Variants in SVOPL observed in about 807,000 individuals in gnomAD.
SVOPL encodes SVOP like.
A neutral mutation model predicts 61.0 loss-of-function variants in SVOPL; 60 were observed. The observed-to-expected ratio is 0.98, with a 90% CI of 0.80 to 1.22. SVOPL has a LOEUF of 1.22. Among genes scored for constraint, SVOPL ranks in the 50% most tolerant of loss-of-function variants. SVOPL has a pLI of 0.00. For missense variants in SVOPL, 662 were observed against 643.9 expected (o/e 1.03, Z -0.30); for synonymous variants, 279 against 250.0 (o/e 1.12, Z -1.09).
chr7:138,625,940 T>A, intron 13 of SVOPL, 29 bp downstream of exon 13: 1 of 1,611,634 alleles, frequency 6.2e-7, no homozygotes, highest in Non-Finnish European at 8.5e-7. Flanking sequence ...TACACACCCT[T>A]TGTAAGCAAG....
At chr7:138,610,428 T>C (rs1798949497) in intron 14 of SVOPL, among the ~76,000 whole-genome samples, 1 of 152,158 alleles carries the variant, frequency 6.6e-6, no homozygotes, top group South Asian at 2.1e-4. Context: ...AAAATATATT[T>C]TAAAAGCCTC....
In SVOPL at chr7:138,701,235, G is replaced by C. The variant is rs964538632; in HGVS notation, c.-92C>G. The C allele has an allele frequency of 3.3e-5, 5 of 152,138 alleles. No individual in the cohort carries two copies. Among genetic ancestry groups the C allele is most frequent in the Non-Finnish European group, 5.9e-5 (4 of 68,056 alleles). The allele number at this position is 152,138 out of a possible 1,614,324, so 9.4% of individuals were successfully genotyped here. A position where few individuals can be genotyped will look rare whatever the true frequency, so the allele number is the denominator to read the frequency against. On this transcript the variant is annotated 5_prime_UTR_variant, in exon 1 of 16. Coordinates refer to ENST00000674285, the MANE Select transcript of SVOPL (RefSeq NM_001139456.2). ...CAGGCTCTTTTGCTCCCCTCACCGT[G>C]GCCAAGTCTTAGACGGAAATTGGAG... is the stretch of plus-strand genomic sequence containing the variant.
intron 1 of SVOPL, among the ~76,000 whole-genome samples, chr7:138,685,710 A>C (rs908134676): frequency 2.0e-5 from 3 of 151,908 alleles, no homozygotes; most frequent in African/African-American, 7.3e-5. Flanking sequence ...AAATACAAAA[A>C]TTAGCCAGGC....
Position 138,630,057 on chromosome 7 carries a change from C to T in SVOPL, c.855G>A (p.Trp285Ter). 1.2e-6 allele frequency: 2 copies of T among 1,613,306 alleles called. No individual in the cohort carries two copies. The highest frequency in any genetic ancestry group is 1.7e-6 in the Non-Finnish European group (2 of 1,179,378). The change falls in exon 10 of 16, where the codon TGG (tryptophan) becomes TGA (stop). Residue 285 changes from tryptophan to a stop codon, truncating the protein, a stop_gained. Transcript: ENST00000674285. LOFTEE classifies it high-confidence loss of function. Reference protein sequence around the residue: ...AKYLRTTLQIWVIWLGISFAY... With the variant: ...AKYLRTTLQI ...AATCATTACACTCTTACCATATGAC[C>T]CAGATCTGTAATGTGGTCCGTAAAT...
intron 3 of SVOPL, among the ~76,000 whole-genome samples, chr7:138,676,952 G>T (rs1399904421): frequency 6.9e-6 from 1 of 144,934 alleles, no homozygotes; most frequent in Non-Finnish European, 1.5e-5. Context: ...CATCAGGGCT[G>T]GAGTGCAGTG....
At chr7:138,659,773 A>G (rs1801918071) in intron 6 of SVOPL, 91 bp downstream of exon 6, 2 of 1,253,860 alleles carry the variant, frequency 1.6e-6, no homozygotes, top group Admixed American at 2.5e-5. Flanking sequence ...TGGGTTCACA[A>G]TGCTTTTGGT....
At position 138,596,491 on chromosome 7, in the gene SVOPL, A is replaced by G. The variant is rs1798286982; in HGVS notation, c.1393T>C (p.Phe465Leu). The part of the protein sequence containing the change: ...SASILGALCL[F>L]SSVCVVCAIS... Reference sequence around the variant, plus strand: ...GCGCATACAACACAGACAGATGAGAAGAGACACAGGGCCCCCAGTATTGAT... The same window carrying G: ...GCGCATACAACACAGACAGATGAGAGGAGACACAGGGCCCCCAGTATTGAT... Residue 465 changes from phenylalanine to leucine, a missense_variant, in exon 15 of 16, where the codon TTC becomes CTC. Transcript: ENST00000674285. 1 of 1,613,954 alleles carries G rather than the reference A, an allele frequency of 6.2e-7. No homozygotes were observed. Among genetic ancestry groups the G allele is most frequent in the East Asian group, 2.2e-5 (1 of 44,856 alleles).
intron 14 of SVOPL, 41 bp downstream of exon 14, chr7:138,621,005 C>T: frequency 6.3e-7 from 1 of 1,588,196 alleles, no homozygotes; most frequent in Non-Finnish European, 8.6e-7. Context: ...CTTACCCCCT[C>T]TCTCAGACTC....
At chr7:138,604,771 G>GA (rs1195727864) in intron 14 of SVOPL, among the ~76,000 whole-genome samples, 1 of 145,080 alleles carries the variant, frequency 6.9e-6, no homozygotes, top group Non-Finnish European at 1.5e-5. Flanking sequence ...ATAAACCTAA[G>GA]AAATTAGTGC....
chr7:138,660,024 C>T (rs892033316), intron 5 of SVOPL, 36 bp from the exon 6 acceptor site: 1 of 1,549,428 alleles, frequency 6.5e-7, no homozygotes, highest in Non-Finnish European at 8.7e-7. Flanking sequence ...TGGGACCTGC[C>T]TCAATGCGGG....
chr7:138,613,267 G>T (rs1317575725), intron 14 of SVOPL, among the ~76,000 whole-genome samples: 1 of 151,860 alleles, frequency 6.6e-6, no homozygotes, highest in Non-Finnish European at 1.5e-5. Context: ...TGATCCACCC[G>T]CCTCGGCCTC....
intron 14 of SVOPL, among the ~76,000 whole-genome samples, chr7:138,617,471 C>G (rs1659819): frequency 1.3e-5 from 2 of 152,024 alleles, no homozygotes; most frequent in South Asian, 2.1e-4. Flanking sequence ...AACTCATCTC[C>G]CAGTCCTCCC....
chr7:138,621,250 T>G, intron 13 of SVOPL, 115 bp from the exon 14 acceptor site: 1 of 704,378 alleles, frequency 1.4e-6, no homozygotes. Flanking sequence ...CCAAACACAG[T>G]TACAGAATAT....
At chr7:138,622,683 A>G (rs1193931661) in intron 13 of SVOPL, among the ~76,000 whole-genome samples, 1 of 151,978 alleles carries the variant, frequency 6.6e-6, no homozygotes, top group East Asian at 1.9e-4. Context: ...ACTGGTATCA[A>G]ACTCCTGGGC....
chr7:138,689,851 C>G (rs1485131599), intron 1 of SVOPL, among the ~76,000 whole-genome samples: 1 of 111,100 alleles, frequency 9.0e-6, no homozygotes, highest in African/African-American at 4.7e-5. Flanking sequence ...AGTGAGACTC[C>G]GTCTCAAAAA....
intron 1 of SVOPL, among the ~76,000 whole-genome samples, chr7:138,695,542 C>T (rs760226073): frequency 1.3e-5 from 2 of 152,082 alleles, no homozygotes; most frequent in African/African-American, 2.4e-5. Context: ...TCAGGTATGA[C>T]AAATATGGCG....
intron 10 of SVOPL, among the ~76,000 whole-genome samples, chr7:138,629,153 G>GTGTGTGTA (rs10624737): frequency 0.28 from 40,465 of 147,002 alleles, 6,020 homozygotes; most frequent in Non-Finnish European, 0.33. Flanking sequence ...GTGTGTGTGT[G>GTGTGTGTA]TATATATGTA....
At chr7:138,594,744 T>G (rs1798209350) in intron 15 of SVOPL, 123 bp from the exon 16 acceptor site, 1 of 608,458 alleles carries the variant, frequency 1.6e-6, no homozygotes, top group African/African-American at 1.9e-5. Context: ...GGAGGGAAAA[T>G]CCTAGCATTT....
intron 14 of SVOPL, among the ~76,000 whole-genome samples, chr7:138,610,225 C>T (rs1798937245): frequency 6.6e-6 from 1 of 151,886 alleles, no homozygotes; most frequent in African/African-American, 2.4e-5. Flanking sequence ...CTTTTCCTTT[C>T]CTTCCTTCCT....
Sources: gnomAD v4.1 joint callset for allele counts (sites outside exome capture counted in the v4.1 genomes callset) on GRCh38, gnomAD v4.1.1 for gene constraint, MANE v1.5 for transcripts, NCBI Gene and HGNC (gene_info 2026-07-23, HGNC 2026-07-21) for gene names.